The following AGBL4 variants were observed in gnomAD, a reference collection of about 807,000 sequenced individuals.
AGBL4 encodes cytosolic carboxypeptidase 6.
In AGBL4, 58 loss-of-function variants were observed where a neutral mutation model predicts 66.4. That is an observed-to-expected ratio of 0.87 (90% CI 0.71 to 1.09). AGBL4 has a LOEUF of 1.09. AGBL4 is among the 50% of genes least tolerant of loss of function. The pLI is 0.00. For synonymous variants in AGBL4, 234 were observed against 222.9 expected (o/e 1.05, Z -0.44); for missense variants, 579 against 631.0 (o/e 0.92, Z 0.88).
chr1:48,558,634 G>T (rs1184956903), intron 11 of AGBL4, among the ~76,000 whole-genome samples: 1 of 152,224 alleles, frequency 6.6e-6, no homozygotes, highest in African/African-American at 2.4e-5. Context: ...GGAGCTTCTG[G>T]CAGCCAATTT....
intron 5 of AGBL4, among the ~76,000 whole-genome samples, chr1:48,953,638 G>A (rs1657185920): frequency 6.6e-6 from 1 of 152,218 alleles, no homozygotes; most frequent in African/African-American, 2.4e-5. Context: ...CAGATGCTCA[G>A]TGAAAGTGAG....
At chr1:49,487,874 T>A (rs1050126371) in intron 3 of AGBL4, among the ~76,000 whole-genome samples, 4 of 151,872 alleles carry the variant, frequency 2.6e-5, no homozygotes, top group Non-Finnish European at 5.9e-5. Flanking sequence ...ATGATCATGA[T>A]CATGTAATTA....
chr1:49,704,931 G>A (rs1262133609), intron 2 of AGBL4, among the ~76,000 whole-genome samples: 2 of 152,124 alleles, frequency 1.3e-5, no homozygotes, highest in African/African-American at 4.8e-5. Flanking sequence ...GGTTCCATAA[G>A]AAATTTAAAG....
chr1:49,222,959 A>T (rs1407482158), intron 4 of AGBL4, among the ~76,000 whole-genome samples: 2 of 152,150 alleles, frequency 1.3e-5, no homozygotes, highest in East Asian at 3.9e-4. Context: ...GACAGTGAGA[A>T]GCCTAAAAAA....
At chr1:49,270,627 T>A in intron 3 of AGBL4, among the ~76,000 whole-genome samples, 1 of 152,016 alleles carries the variant, frequency 6.6e-6, no homozygotes, top group Non-Finnish European at 1.5e-5. Flanking sequence ...GGAGTAAAAT[T>A]TTTTGTGGGG....
chr1:49,928,894 A>G (rs1653058029), intron 1 of AGBL4, among the ~76,000 whole-genome samples: 1 of 152,214 alleles, frequency 6.6e-6, no homozygotes, highest in Non-Finnish European at 1.5e-5. Context: ...TATTTGCAAT[A>G]GCAAAGCCAT....
intron 9 of AGBL4, among the ~76,000 whole-genome samples, chr1:48,613,650 C>T (rs1645274229): frequency 6.6e-6 from 1 of 152,196 alleles, no homozygotes; most frequent in Non-Finnish European, 1.5e-5. Context: ...TGTTCCTGTT[C>T]TCTGCCATAA....
intron 6 of AGBL4, among the ~76,000 whole-genome samples, chr1:48,666,377 G>T (rs1646187932): frequency 6.6e-6 from 1 of 152,164 alleles, no homozygotes; most frequent in Non-Finnish European, 1.5e-5. Context: ...CAACTCATAA[G>T]AGATAGAACA....
intron 4 of AGBL4, among the ~76,000 whole-genome samples, chr1:49,143,550 C>T (rs750199762): frequency 3.3e-5 from 5 of 152,148 alleles, no homozygotes; most frequent in African/African-American, 9.7e-5. Context: ...GGGAATGTGC[C>T]ATGCTTTTAA....
At position 49,341,224 on chromosome 1, in the gene AGBL4, T is replaced by C. The variant is rs1007404604; in HGVS notation, c.283-95360A>G. Among the ~76,000 whole-genome samples the C allele has an allele frequency of 2.0e-5, 3 of 152,152 alleles. No individual in the cohort carries two copies. The East Asian group carries it at 5.8e-4, about 29-fold the overall frequency. ...AAAAAACCCTCTCTTGGGGTCTGGA[T>C]CAGGACCTCTTTCCAGTAACATATT... is the stretch of plus-strand genomic sequence containing the variant. On this transcript the variant is annotated intron_variant, in intron 3 of 13. Transcript: ENST00000371839.
chr1:49,862,456 C>T (rs980593256), intron 1 of AGBL4, among the ~76,000 whole-genome samples: 3 of 151,502 alleles, frequency 2.0e-5, no homozygotes, highest in Non-Finnish European at 4.4e-5. Context: ...GAGAAAGAAG[C>T]GGGGTTAGAA....
At chr1:49,386,661 A>C (rs1211828932) in intron 3 of AGBL4, among the ~76,000 whole-genome samples, 1 of 151,998 alleles carries the variant, frequency 6.6e-6, no homozygotes, top group East Asian at 1.9e-4. Context: ...GATTCAGAAT[A>C]TCATCTCTTC....
At chr1:48,758,883 C>A (rs1171221722) in intron 6 of AGBL4, 5 of 1,491,520 alleles carry the variant, frequency 3.4e-6, no homozygotes, top group Non-Finnish European at 4.4e-6. Context: ...TGGTAGGTGA[C>A]CTGCTGGGGC....
At chr1:48,775,199 G>A (rs964478046) in intron 6 of AGBL4, among the ~76,000 whole-genome samples, 4 of 152,134 alleles carry the variant, frequency 2.6e-5, no homozygotes, top group African/African-American at 9.7e-5. Flanking sequence ...CCTACACTTC[G>A]GTGTGCCAGG....
intron 1 of AGBL4, among the ~76,000 whole-genome samples, chr1:49,970,324 T>C (rs1325526140): frequency 6.6e-6 from 1 of 151,960 alleles, no homozygotes; most frequent in Non-Finnish European, 1.5e-5. Flanking sequence ...ACCTATGGCA[T>C]AGGAAAAAAT....
chr1:49,670,885 A>G (rs1646462217), intron 3 of AGBL4, among the ~76,000 whole-genome samples: 1 of 152,218 alleles, frequency 6.6e-6, no homozygotes, highest in South Asian at 2.1e-4. Context: ...TCTATCATCA[A>G]TAATCAACAC....
intron 3 of AGBL4, among the ~76,000 whole-genome samples, chr1:49,430,587 CAG>C (rs1474722494): frequency 1.3e-5 from 2 of 152,142 alleles, no homozygotes; most frequent in Non-Finnish European, 2.9e-5. Context: ...TCTGAAAGAG[CAG>C]AGTTAGAATA....
At chr1:49,990,702 G>C (rs141128966) in intron 1 of AGBL4, among the ~76,000 whole-genome samples, 2 of 152,254 alleles carry the variant, frequency 1.3e-5, no homozygotes, top group East Asian at 3.9e-4. Context: ...ATCTGTCACC[G>C]ATTAGCCATG....
At chr1:48,597,942 AAG>A (rs1375592487) in intron 9 of AGBL4, among the ~76,000 whole-genome samples, 1 of 152,102 alleles carries the variant, frequency 6.6e-6, no homozygotes. Flanking sequence ...AAAAGAAAGA[AAG>A]AGAGAAAGAA....
Sources: allele counts gnomAD v4.1 joint callset (sites outside exome capture counted in the v4.1 genomes callset), GRCh38; gene constraint gnomAD v4.1.1; transcripts MANE v1.5; gene names NCBI Gene and HGNC (gene_info 2026-07-23, HGNC 2026-07-21).